Variants in SOD2 observed in about 807,000 individuals in gnomAD.
SOD2 encodes superoxide dismutase [Mn], mitochondrial.
In SOD2, 11 loss-of-function variants were observed where a neutral mutation model predicts 27.0. The ratio of observed to expected loss-of-function variants is 0.41; its 90% CI spans 0.26 to 0.67. The LOEUF (loss-of-function observed/expected upper bound fraction) is 0.67, where lower values mean the gene tolerates loss of function less well. Ranked by LOEUF, SOD2 falls within the 30% of genes least tolerant of loss-of-function variation. The pLI is 0.34. For missense variants in SOD2, 250 were observed against 274.5 expected (o/e 0.91, Z 0.63); for synonymous variants, 105 against 103.0 (o/e 1.02, Z -0.12).
chr6:159,755,765 C>CTTTTTTTTTTTTTTTTTTTTTTTTTTT lies in SOD2; in HGVS notation c.-336+5271_-336+5272insAAAAAAAAAAAAAAAAAAAAAAAAAAA. Reference sequence around the variant, plus strand: ...TTTTTCTTTGTTTTTTTTTTCTTTTCTTTTTTTTTTTTTTTTTTTTTTTTT... The same window carrying CTTTTTTTTTTTTTTTTTTTTTTTTTTT: ...TTTTTCTTTGTTTTTTTTTTCTTTTCTTTTTTTTTTTTTTTTTTTTTTTTTTTTTTTTTTTTTTTTTTTTTTTTTTTT... On this transcript the variant is annotated intron_variant, in intron 1 of 7. Transcript: ENST00000546087. 1.4e-4 allele frequency: 25 copies of CTTTTTTTTTTTTTTTTTTTTTTTTTTT among 173,378 alleles called. 2 individuals carry two copies. Among genetic ancestry groups the CTTTTTTTTTTTTTTTTTTTTTTTTTTT allele is most frequent in the Admixed American group, 9.8e-4 (3 of 3,070 alleles). The allele number at this position is 173,378 out of a possible 1,614,324, so 10.7% of individuals were successfully genotyped here.
Position 159,680,547 on chromosome 6 carries a change from T to C in SOD2, c.*1946A>G, listed in dbSNP as rs2114757728. ...ATATTGAAACTGCTAAGTTACCCCA[T>C]TTTTCCATGAAAAAAAAATAGAAAA... is the stretch of plus-strand genomic sequence containing the variant. On this transcript the variant is annotated 3_prime_UTR_variant, in exon 5 of 5. Transcript: ENST00000538183. 6.6e-6 allele frequency: 1 copy of C among 151,640 alleles called. No homozygotes were observed. Among genetic ancestry groups the C allele is most frequent in the East Asian group, 1.9e-4 (1 of 5,182 alleles). 9.4% of individuals were successfully genotyped at this position (151,640 alleles called of 1,614,324 possible).
At chr6:159,709,497 C>G (rs997988431) in intron 1 of SOD2, among the ~76,000 whole-genome samples, 6 of 152,178 alleles carry the variant, frequency 3.9e-5, no homozygotes, top group Admixed American at 2.0e-4. Context: ...ATTTATGCAT[C>G]CAACAGACAC....
chr6:159,744,814 T>C (rs950122838), intron 1 of SOD2, among the ~76,000 whole-genome samples: 2 of 152,060 alleles, frequency 1.3e-5, no homozygotes, highest in Non-Finnish European at 2.9e-5. Flanking sequence ...CCCGAGTAAC[T>C]GATTTCAGGT....
chr6:159,696,324 T>A (rs1777420988), upstream of SOD2, among the ~76,000 whole-genome samples: 1 of 152,164 alleles, frequency 6.6e-6, no homozygotes, highest in Admixed American at 6.6e-5. Context: ...AACCTTTTTT[T>A]ATTTTTTCTT....
At chr6:159,745,968 CTGAG>C (rs779939179), upstream of SOD2, among the ~76,000 whole-genome samples, 11 of 151,880 alleles carry the variant, frequency 7.2e-5, no homozygotes, top group Non-Finnish European at 1.2e-4. Context: ...TCTTGTTTGA[CTGAG>C]TAACGATGCT....
At chr6:159,743,657 A>C (rs1199939691) in intron 1 of SOD2, 3 of 1,582,910 alleles carry the variant, frequency 1.9e-6, no homozygotes, top group African/African-American at 1.4e-5. Flanking sequence ...TTTTTTTTGA[A>C]TCATCAGCTA....
chr6:159,713,791 C>A, intron 1 of SOD2: 1 of 985,708 alleles, frequency 1.0e-6, no homozygotes, highest in Non-Finnish European at 1.6e-6. Context: ...AAGCCAATTT[C>A]GCTTCATCTG....
Position 159,669,658 on chromosome 6 carries a change from AT to A in SOD2, c.*12834del, listed in dbSNP as rs1340502348. 6.6e-6 allele frequency: 1 copy of A among 152,180 alleles called. No homozygotes were observed. The highest frequency in any genetic ancestry group is 1.5e-5 in the Non-Finnish European group (1 of 68,028). The allele number at this position is 152,180 out of a possible 1,614,324, so 9.4% of individuals were successfully genotyped here. On this transcript the variant is annotated 3_prime_UTR_variant, in exon 5 of 5. Transcript: ENST00000538183. ...CCATCTCTACAAAAAAATTTTCTTAATAAAAAAATATGATTATATCTTGCAT... is the reference window on the plus strand; with the variant it reads ...CCATCTCTACAAAAAAATTTTCTTAAAAAAAAATATGATTATATCTTGCAT...
rs747049734 is a variant in SOD2, at chr6:159,688,195, C to T, written c.274G>A (p.Gly92Ser). The change falls in exon 3 of 5, where the codon GGT becomes AGT. Residue 92 changes from glycine to serine, a missense_variant. Gly to Ser is a moderately conservative substitution (Grantham distance 56, BLOSUM62 0). Transcript: ENST00000538183. ...ATGCTATGATTGATATGACCACCACCATTGAACTTCAGTGCAGGCTGAAGA... is the reference window on the plus strand; with the variant it reads ...ATGCTATGATTGATATGACCACCACTATTGAACTTCAGTGCAGGCTGAAGA... ...IALQPALKFN[G>S]GGHINHSIFW... The T allele has an allele frequency of 3.1e-6, 5 of 1,613,902 alleles. No individual in the cohort carries two copies. The highest frequency in any genetic ancestry group is 4.5e-5 in the East Asian group (2 of 44,876).
At chr6:159,737,268 C>T (rs1438345519) in intron 1 of SOD2, among the ~76,000 whole-genome samples, 3 of 151,318 alleles carry the variant, frequency 2.0e-5, no homozygotes, top group African/African-American at 4.9e-5. Flanking sequence ...AGGCTGGTCT[C>T]GAACTCCCGG....
chr6:159,720,187 C>A (rs982831459), intron 1 of SOD2, among the ~76,000 whole-genome samples: 9 of 151,590 alleles, frequency 5.9e-5, no homozygotes, highest in African/African-American at 2.2e-4. Context: ...CCCGCCACCA[C>A]GCCCGGCTAA....
At chr6:159,703,568 T>TA (rs535864551) in intron 1 of SOD2, among the ~76,000 whole-genome samples, 110 of 151,926 alleles carry the variant, frequency 7.2e-4, no homozygotes, top group African/African-American at 2.4e-3. Context: ...TCCCATATGT[T>TA]AAAAAAAAGT....
upstream of SOD2, among the ~76,000 whole-genome samples, chr6:159,750,157 T>C (rs1248525257): frequency 6.6e-6 from 1 of 152,210 alleles, no homozygotes; most frequent in African/African-American, 2.4e-5. Flanking sequence ...CCAGATCTGT[T>C]TGAAATTAGC....
chr6:159,713,098 G>A lies in SOD2; in HGVS notation c.-116+14031C>T, dbSNP rs1452349047. 5 of 748,444 alleles carry A rather than the reference G, an allele frequency of 6.7e-6. No individual in the cohort carries two copies. The East Asian group carries it at 8.2e-5, about 12-fold the overall frequency. 46.4% of individuals were successfully genotyped at this position (748,444 alleles called of 1,614,324 possible). A position where few individuals can be genotyped will look rare whatever the true frequency, so the allele number is the denominator to read the frequency against. ...GAATAGAAATTATAACATTCTTAGT[G>A]GCTCTGTAAGGTAAACCCCTCGTGT... On this transcript the variant is annotated intron_variant, in intron 1 of 2. Transcript: ENST00000401980.
intron 1 of SOD2, among the ~76,000 whole-genome samples, chr6:159,707,677 C>T (rs914449741): frequency 4.6e-5 from 7 of 152,194 alleles, no homozygotes; most frequent in Admixed American, 3.3e-4. Flanking sequence ...CAGCCAAATT[C>T]TACCAGAGGT....
rs1260422779 is a variant in SOD2, at chr6:159,682,407, G to C, written c.*86C>G. 1 of 1,106,556 alleles carries C rather than the reference G, an allele frequency of 9.0e-7. No individual in the cohort carries two copies. Among genetic ancestry groups the C allele is most frequent in the African/African-American group, 1.6e-5 (1 of 62,402 alleles). 68.5% of individuals were successfully genotyped at this position (1,106,556 alleles called of 1,614,324 possible). On this transcript the variant is annotated 3_prime_UTR_variant, in exon 5 of 5. Transcript: ENST00000538183. ...AGCAACATCAAGAAATGCTACAATA[G>C]AGCAGCTTACTGTATTCTGCAGTAC...
chr6:159,713,682 G>A, intron 1 of SOD2: 1 of 926,950 alleles, frequency 1.1e-6, no homozygotes, highest in Admixed American at 1.8e-5. Flanking sequence ...GGCAGTATCA[G>A]GACTATTCAG....
Position 159,704,706 on chromosome 6 carries a change from A to G in SOD2, c.-115-11843T>C, listed in dbSNP as rs146654383. Among the ~76,000 whole-genome samples, 942 of 152,362 alleles carry G rather than the reference A, an allele frequency of 6.2e-3. 5 individuals are homozygous for G. The highest frequency in any genetic ancestry group is 7.5e-3 in the Non-Finnish European group (509 of 68,030). On this transcript the variant is annotated intron_variant, in intron 1 of 2. Transcript: ENST00000401980. ...TAGACTCCACCTCTGGGGGCAGGGC[A>G]TAGCTGAACAAAAGGCAGCAGAAAC...
chr6:159,691,610 A>G (rs1777197205), intron 2 of SOD2: 1 of 152,232 alleles, frequency 6.6e-6, no homozygotes, highest in African/African-American at 2.4e-5. Flanking sequence ...CGAATAAATT[A>G]AAAAGACAAT....
Sources: gnomAD v4.1 joint callset for allele counts (sites outside exome capture counted in the v4.1 genomes callset) on GRCh38, gnomAD v4.1.1 for gene constraint, MANE v1.5 for transcripts, NCBI Gene and HGNC (gene_info 2026-07-23, HGNC 2026-07-21) for gene names.